Variants in ROBO1 observed in about 807,000 individuals in gnomAD.
The protein encoded by ROBO1 is roundabout homolog 1.
A neutral mutation model predicts 195.9 loss-of-function variants in ROBO1; 149 were observed. That is an observed-to-expected ratio of 0.76 (90% CI 0.67 to 0.87). The LOEUF (loss-of-function observed/expected upper bound fraction) is 0.87. Ranked by LOEUF, ROBO1 falls within the 40% of genes least tolerant of loss-of-function variation. The pLI, the probability that ROBO1 is intolerant of heterozygous loss-of-function variation, is 0.00. For missense variants in ROBO1, 1,933 were observed against 2,068.3 expected, an observed-to-expected ratio of 0.93 and a Z score of 1.27; for synonymous variants, 816 against 733.2, an observed-to-expected ratio of 1.11 and a Z score of -1.82.
At chr3:78,771,847 A>C (rs934099946) in intron 4 of ROBO1, among the ~76,000 whole-genome samples, 1 of 152,020 alleles carries the variant, frequency 6.6e-6, no homozygotes, top group African/African-American at 2.4e-5. Context: ...AGATAGTTTG[A>C]TGTTTTATTT....
At chr3:79,052,879 G>A (rs1183151058) in intron 3 of ROBO1, among the ~76,000 whole-genome samples, 2 of 152,010 alleles carry the variant, frequency 1.3e-5, no homozygotes, top group African/African-American at 4.8e-5. Context: ...TGAGTAGTCT[G>A]TGTATGGTCC....
At chr3:78,885,412 T>TAAAAAAAAAAA (rs59912706) in intron 4 of ROBO1, among the ~76,000 whole-genome samples, 5 of 53,676 alleles carry the variant, frequency 9.3e-5, no homozygotes, top group Non-Finnish European at 1.3e-4. Flanking sequence ...AATTTAAAAC[T>TAAAAAAAAAAA]AAAAAAAAAA....
intron 4 of ROBO1, among the ~76,000 whole-genome samples, chr3:78,814,276 C>T (rs2084833514): frequency 6.6e-6 from 1 of 151,900 alleles, no homozygotes; most frequent in South Asian, 2.1e-4. Context: ...TTCTAGTAAT[C>T]ACATAAAACT....
intron 2 of ROBO1, among the ~76,000 whole-genome samples, chr3:79,405,240 G>C (rs987590138): frequency 1.3e-5 from 2 of 152,152 alleles, no homozygotes; most frequent in Admixed American, 1.3e-4. Flanking sequence ...ATGATATGGA[G>C]ATAGTCCTCT....
At position 78,860,055 on chromosome 3, in the gene ROBO1, G is replaced by A. The variant is rs2034701308; in HGVS notation, c.499+78546C>T. ...GATTGTGCCACTGCACTCCAGCCTG[G>A]GTGACAGAGCGAGACTTCGTCTCAA... On this transcript the variant is annotated intron_variant, in intron 4 of 30. Coordinates refer to ENST00000464233, the MANE Select transcript of ROBO1 (RefSeq NM_002941.4). 2.6e-5 allele frequency among the ~76,000 whole-genome samples: 4 copies of A among 151,216 alleles called. No homozygotes were observed. In the South Asian group the frequency reaches 8.3e-4, roughly 31 times the overall value.
At chr3:78,981,115 G>A (rs1019952026) in intron 3 of ROBO1, among the ~76,000 whole-genome samples, 9 of 152,070 alleles carry the variant, frequency 5.9e-5, no homozygotes, top group Non-Finnish European at 1.3e-4. Flanking sequence ...AAAAAAATTC[G>A]ACTTTCCCAA....
At chr3:79,737,065 T>C (rs1206599807) in intron 1 of ROBO1, among the ~76,000 whole-genome samples, 1 of 152,182 alleles carries the variant, frequency 6.6e-6, no homozygotes, top group African/African-American at 2.4e-5. Flanking sequence ...GGTACCAAAC[T>C]AAACATTAGG....
chr3:78,940,190 C>A (rs1405692296), intron 3 of ROBO1, among the ~76,000 whole-genome samples: 1 of 152,142 alleles, frequency 6.6e-6, no homozygotes. Context: ...TTTCTGTCCC[C>A]TAGTTCTTTC....
chr3:79,144,016 C>T (rs1164729913), intron 2 of ROBO1, among the ~76,000 whole-genome samples: 2 of 151,498 alleles, frequency 1.3e-5, no homozygotes, highest in African/African-American at 2.4e-5. Flanking sequence ...CAGTTTTTTG[C>T]GTGACTCAAG....
At chr3:79,297,533 A>C (rs1028370415) in intron 2 of ROBO1, among the ~76,000 whole-genome samples, 1 of 151,818 alleles carries the variant, frequency 6.6e-6, no homozygotes, top group African/African-American at 2.4e-5. Flanking sequence ...TCACACAAAA[A>C]CTCCCTCTTT....
chr3:78,715,465 C>T (rs562528592), intron 7 of ROBO1, among the ~76,000 whole-genome samples: 228 of 152,236 alleles, frequency 1.5e-3, no homozygotes, highest in African/African-American at 5.1e-3. Context: ...CCACAAAAAT[C>T]GTGTCCCTGC....
intron 2 of ROBO1, among the ~76,000 whole-genome samples, chr3:79,440,110 C>A (rs2039004437): frequency 6.6e-6 from 1 of 152,070 alleles, no homozygotes; most frequent in African/African-American, 2.4e-5. Context: ...AGTCTTCATT[C>A]TGAACCTGCC....
chr3:79,741,862 C>T (rs1197626952), intron 1 of ROBO1, among the ~76,000 whole-genome samples: 2 of 152,166 alleles, frequency 1.3e-5, no homozygotes, highest in African/African-American at 4.8e-5. Flanking sequence ...AAATAAAGGT[C>T]ACTCACTATG....
At position 79,294,080 on chromosome 3, in the gene ROBO1, A is replaced by G. The variant is rs113012644; in HGVS notation, c.89-168541T>C. On this transcript the variant is annotated intron_variant, in intron 2 of 30. Coordinates refer to ENST00000464233, the MANE Select transcript of ROBO1 (RefSeq NM_002941.4). ...CTCAAAAAAAAAAAAAAAAAAAAAA[A>G]AAAGAAAGAAAAAACTACTTTGAAT... Among the ~76,000 whole-genome samples the G allele has an allele frequency of 1.6e-3, 219 of 140,102 alleles. 3 individuals are homozygous for G. The highest frequency in any genetic ancestry group is 3.8e-3 in the Middle Eastern group (1 of 264). 91.9% of individuals were successfully genotyped at this position (140,102 alleles called of 152,430 possible).
At chr3:78,886,453 G>C (rs981554030) in intron 4 of ROBO1, among the ~76,000 whole-genome samples, 1 of 152,076 alleles carries the variant, frequency 6.6e-6, no homozygotes, top group Non-Finnish European at 1.5e-5. Flanking sequence ...AACTACCCAG[G>C]TGTGTTGGCG....
chr3:79,460,797 G>A (rs1426531523), intron 2 of ROBO1, among the ~76,000 whole-genome samples: 1 of 151,736 alleles, frequency 6.6e-6, no homozygotes, highest in Non-Finnish European at 1.5e-5. Context: ...GCCCAGGCTG[G>A]AGTGCAGTGG....
chr3:79,232,260 A>ATATAT (rs201271845), intron 2 of ROBO1, among the ~76,000 whole-genome samples: 3 of 147,434 alleles, frequency 2.0e-5, no homozygotes, highest in African/African-American at 7.5e-5. Flanking sequence ...AAAAAAAAAA[A>ATATAT]ATATATATAT....
intron 2 of ROBO1, among the ~76,000 whole-genome samples, chr3:79,551,617 T>C (rs1291896179): frequency 1.3e-5 from 2 of 152,016 alleles, no homozygotes; most frequent in Non-Finnish European, 2.9e-5. Context: ...AATATTAATC[T>C]AGGCGAAGAG....
At chr3:78,946,300 C>A (rs1359718949) in intron 3 of ROBO1, among the ~76,000 whole-genome samples, 1 of 152,158 alleles carries the variant, frequency 6.6e-6, no homozygotes, top group African/African-American at 2.4e-5. Context: ...CAAAGGGAAG[C>A]CCACCAGACT....
Sources: gnomAD v4.1 joint callset for allele counts (sites outside exome capture counted in the v4.1 genomes callset) on GRCh38, gnomAD v4.1.1 for gene constraint, MANE v1.5 for transcripts, NCBI Gene and HGNC (gene_info 2026-07-23, HGNC 2026-07-21) for gene names.